The following SLC9C1 variants were observed in gnomAD, a reference collection of about 807,000 sequenced individuals.
SLC9C1 encodes the protein sodium/hydrogen exchanger 10.
Under a neutral mutation model 140.9 loss-of-function variants are expected in SLC9C1, and 97 were observed. The ratio of observed to expected loss-of-function variants is 0.69; its 90% confidence interval spans 0.58 to 0.82. SLC9C1 has a LOEUF of 0.82. Among genes scored for constraint, SLC9C1 ranks in the 40% least tolerant of loss-of-function variants. The probability of loss-of-function intolerance (pLI) is 0.00; values close to 1 mark genes in which losing one functional copy is unlikely to be tolerated. For synonymous variants in SLC9C1, 440 were observed against 442.6 expected (o/e 0.99, Z 0.07); for missense variants, 1,340 against 1,389.3 (o/e 0.96, Z 0.56).
At chr3:112,202,707 T>C (rs115269318) in intron 17 of SLC9C1, among the ~76,000 whole-genome samples, 1 of 152,162 alleles carries the variant, frequency 6.6e-6, no homozygotes, top group African/African-American at 2.4e-5. Flanking sequence ...ACAATGCAAT[T>C]AATCTTCTGT....
chr3:112,240,088 C>T, intron 11 of SLC9C1, 82 bp from the exon 12 acceptor site: 1 of 1,233,832 alleles, frequency 8.1e-7, no homozygotes, highest in Non-Finnish European at 1.1e-6. Flanking sequence ...TTGTTTTTAA[C>T]TTATTGTCAC....
At chr3:112,194,102 G>T (rs1210874091) in intron 20 of SLC9C1, among the ~76,000 whole-genome samples, 1 of 152,154 alleles carries the variant, frequency 6.6e-6, no homozygotes, top group South Asian at 2.1e-4. Context: ...TGGGTAGGGA[G>T]TGGGGCGTGC....
At chr3:112,175,236 T>C (rs1260581519) in intron 23 of SLC9C1, among the ~76,000 whole-genome samples, 1 of 152,170 alleles carries the variant, frequency 6.6e-6, no homozygotes, top group African/African-American at 2.4e-5. Context: ...CTCCAGTCCC[T>C]AGTCACCTCG....
At chr3:112,188,565 T>C (rs1392090890) in intron 20 of SLC9C1, among the ~76,000 whole-genome samples, 2 of 152,204 alleles carry the variant, frequency 1.3e-5, no homozygotes, top group African/African-American at 2.4e-5. Context: ...GGACATGAAC[T>C]CATCCTTTTT....
intron 6 of SLC9C1, 64 bp downstream of exon 6, chr3:112,274,833 C>T: frequency 3.0e-6 from 4 of 1,338,456 alleles, no homozygotes; most frequent in Non-Finnish European, 4.0e-6. Flanking sequence ...TTACAAAATA[C>T]ACATCAGCTT....
chr3:112,161,063 T>G (rs909731169), intron 26 of SLC9C1, among the ~76,000 whole-genome samples: 133 of 152,100 alleles, frequency 8.7e-4, no homozygotes, highest in African/African-American at 3.0e-3. Flanking sequence ...CTGCATAAAT[T>G]TCTTCTTTTG....
chr3:112,227,961 A>G (rs564402020), intron 13 of SLC9C1, among the ~76,000 whole-genome samples: 1 of 152,258 alleles, frequency 6.6e-6, no homozygotes, highest in East Asian at 1.9e-4. Flanking sequence ...GGAAGAACAA[A>G]TCTTGTTAAA....
intron 2 of SLC9C1, among the ~76,000 whole-genome samples, chr3:112,282,886 T>G (rs1264579388): frequency 6.6e-6 from 1 of 152,234 alleles, no homozygotes; most frequent in African/African-American, 2.4e-5. Flanking sequence ...TTATTGTGAC[T>G]ATTCATGTTA....
intron 11 of SLC9C1, among the ~76,000 whole-genome samples, chr3:112,242,616 G>T (rs1235358032): frequency 6.6e-6 from 1 of 152,056 alleles, no homozygotes; most frequent in Non-Finnish European, 1.5e-5. Flanking sequence ...GCATTTGATA[G>T]CACGATAGGG....
chr3:112,152,539 G>A (rs528193322), intron 27 of SLC9C1, among the ~76,000 whole-genome samples: 1 of 151,852 alleles, frequency 6.6e-6, no homozygotes, highest in South Asian at 2.1e-4. Context: ...CTGCAAAGAG[G>A]CCTTCCTCTT....
intron 15 of SLC9C1, among the ~76,000 whole-genome samples, chr3:112,216,548 A>T (rs536251052): frequency 6.6e-6 from 1 of 151,428 alleles, no homozygotes; most frequent in African/African-American, 2.4e-5. Context: ...TGGGCAAATG[A>T]TATGAACAGA....
intron 28 of SLC9C1, among the ~76,000 whole-genome samples, chr3:112,142,430 A>G (rs1332723746): frequency 2.0e-5 from 3 of 152,170 alleles, no homozygotes; most frequent in African/African-American, 4.8e-5. Context: ...AAGTAAAGAT[A>G]TTGATCTTAT....
rs74597248 is a variant in SLC9C1 at position 112,239,611 on chromosome 3, A to T, written c.1446+229T>A. Among the ~76,000 whole-genome samples the T allele has an allele frequency of 7.6e-3, 1,164 of 152,192 alleles. 18 individuals carry two copies. The highest frequency in any genetic ancestry group is 0.025 in the African/African-American group (1,044 of 41,536). ...CATCTTGGAACCATGCCCCCAAAAC[A>T]TATATTTTAAACATATATATTCAAA... is the stretch of plus-strand genomic sequence containing the variant. On this transcript the variant is annotated intron_variant, in intron 12 of 28. Transcript: ENST00000305815.
chr3:112,185,815 G>A (rs1412966120), intron 20 of SLC9C1: 1 of 1,575,356 alleles, frequency 6.3e-7, no homozygotes, highest in Non-Finnish European at 8.6e-7. Flanking sequence ...TGGTAGCGCA[G>A]GGGAGTGCCC....
intron 1 of SLC9C1, among the ~76,000 whole-genome samples, chr3:112,289,483 G>A (rs1325567117): frequency 2.0e-5 from 3 of 152,206 alleles, no homozygotes; most frequent in African/African-American, 7.2e-5. Context: ...AGAAGCAGCA[G>A]TCACTCATTT....
At chr3:112,225,532 C>T (rs2078659837) in intron 13 of SLC9C1, among the ~76,000 whole-genome samples, 2 of 94,764 alleles carry the variant, frequency 2.1e-5, no homozygotes, top group Non-Finnish European at 4.4e-5. Flanking sequence ...AAAGGAAATA[C>T]ACACCAACCA....
At chr3:112,150,687 A>G (rs1384582842) in intron 28 of SLC9C1, among the ~76,000 whole-genome samples, 1 of 149,734 alleles carries the variant, frequency 6.7e-6, no homozygotes, top group Non-Finnish European at 1.5e-5. Context: ...TTTTAAATCT[A>G]CTTTTAAATA....
chr3:112,276,058 TAC>T (rs2108331934), intron 5 of SLC9C1, among the ~76,000 whole-genome samples: 1 of 152,172 alleles, frequency 6.6e-6, no homozygotes, highest in South Asian at 2.1e-4. Context: ...ACCAGCTGAT[TAC>T]AGATTCCTTA....
At chr3:112,211,838 T>A (rs1471216461) in intron 15 of SLC9C1, among the ~76,000 whole-genome samples, 1 of 152,226 alleles carries the variant, frequency 6.6e-6, no homozygotes, top group African/African-American at 2.4e-5. Context: ...TGTCCCTGCC[T>A]GACAGCTTTG....
Sources: allele counts gnomAD v4.1 joint callset (sites outside exome capture counted in the v4.1 genomes callset), GRCh38; gene constraint gnomAD v4.1.1; transcripts MANE v1.5; gene names NCBI Gene and HGNC (gene_info 2026-07-23, HGNC 2026-07-21).